CWC27: variants seen among roughly 807,000 people sequenced by gnomAD.
CWC27 encodes the protein spliceosome-associated protein CWC27 homolog.
Under a neutral mutation model 63.6 loss-of-function variants are expected in CWC27, and 47 were observed. That is an observed-to-expected ratio of 0.74 (90% CI 0.58 to 0.94). CWC27 has a LOEUF of 0.94. Among genes scored for constraint, CWC27 ranks in the 40% least tolerant of loss-of-function variants. The pLI is 0.00. For synonymous variants in CWC27, 175 were observed against 179.8 expected (o/e 0.97, Z 0.22); for missense variants, 495 against 554.3 (o/e 0.89, Z 1.07).
chr5:64,994,730 T>C (rs1580770700), intron 13 of CWC27, among the ~76,000 whole-genome samples: 1 of 152,218 alleles, frequency 6.6e-6, no homozygotes, highest in African/African-American at 2.4e-5. Context: ...GGTTGCACTG[T>C]ATGAAGTTGA....
chr5:64,908,002 T>C (rs935768249), intron 11 of CWC27, among the ~76,000 whole-genome samples: 2 of 152,218 alleles, frequency 1.3e-5, no homozygotes, highest in African/African-American at 4.8e-5. Flanking sequence ...AGATCTTTCC[T>C]GCTTTCTCTT....
chr5:64,981,649 C>G (rs181085484), intron 13 of CWC27, among the ~76,000 whole-genome samples: 3 of 152,154 alleles, frequency 2.0e-5, no homozygotes, highest in African/African-American at 7.2e-5. Context: ...AATTTGTACT[C>G]CAAAGTAAAT....
At chr5:64,882,419 C>T (rs936462767) in intron 10 of CWC27, among the ~76,000 whole-genome samples, 1 of 152,110 alleles carries the variant, frequency 6.6e-6, no homozygotes, top group African/African-American at 2.4e-5. Context: ...TGAAATGAGG[C>T]TAGTCTCAAT....
chr5:64,975,128 G>T (rs1749204735), intron 12 of CWC27, among the ~76,000 whole-genome samples: 1 of 152,084 alleles, frequency 6.6e-6, no homozygotes, highest in East Asian at 1.9e-4. Context: ...TTGAATATGT[G>T]GGCATTAAAT....
At chr5:64,834,494 A>G (rs1266796663) in intron 10 of CWC27, among the ~76,000 whole-genome samples, 2 of 151,754 alleles carry the variant, frequency 1.3e-5, no homozygotes, top group Non-Finnish European at 3.0e-5. Flanking sequence ...TTGGAGTCCT[A>G]TGAAACACCT....
intron 13 of CWC27, among the ~76,000 whole-genome samples, chr5:64,987,316 ATCATT>A (rs1237367037): frequency 2.6e-5 from 4 of 152,188 alleles, no homozygotes; most frequent in African/African-American, 9.6e-5. Flanking sequence ...TTAATATTTT[ATCATT>A]TCAAGACGAA....
intron 10 of CWC27, among the ~76,000 whole-genome samples, chr5:64,825,833 C>T (rs986322645): frequency 6.6e-6 from 1 of 152,156 alleles, no homozygotes; most frequent in Non-Finnish European, 1.5e-5. Context: ...TGATTAACGT[C>T]TACAATCAGT....
At chr5:64,856,011 T>A (rs1746249897) in intron 10 of CWC27, among the ~76,000 whole-genome samples, 1 of 152,088 alleles carries the variant, frequency 6.6e-6, no homozygotes, top group Admixed American at 6.5e-5. Context: ...GGGAGTGTTA[T>A]TAGCATCACC....
intron 11 of CWC27, among the ~76,000 whole-genome samples, chr5:64,971,499 C>A (rs1173835430): frequency 6.6e-6 from 1 of 152,108 alleles, no homozygotes; most frequent in Non-Finnish European, 1.5e-5. Context: ...ATATGTATAT[C>A]AACTCATAAA....
rs1472507702 is a variant in CWC27, at chr5:64,804,160, T to C, written c.781-69T>C. 4 of 1,365,892 alleles carry C rather than the reference T, an allele frequency of 2.9e-6. No homozygotes were observed. In the Admixed American group the frequency reaches 6.8e-5, roughly 23 times the overall value. The allele number at this position is 1,365,892 out of a possible 1,614,324, so 84.6% of individuals were successfully genotyped here. ...GAATGCAATAAGGAGATTCAGTGGA[T>C]GCAATAGATCTCTAGAAATGAAAGG... On this transcript the variant is annotated intron_variant, in intron 9 of 13. Coordinates refer to ENST00000381070, the MANE Select transcript of CWC27 (RefSeq NM_005869.4).
chr5:64,811,116 C>T (rs1037046765), intron 10 of CWC27, among the ~76,000 whole-genome samples: 3 of 151,976 alleles, frequency 2.0e-5, no homozygotes, highest in South Asian at 2.1e-4. Flanking sequence ...TAAAAACACT[C>T]CATGTAAGTC....
At chr5:64,862,860 C>T (rs1746444809) in intron 10 of CWC27, among the ~76,000 whole-genome samples, 1 of 152,056 alleles carries the variant, frequency 6.6e-6, no homozygotes, top group Admixed American at 6.5e-5. Context: ...CTCGTGAGGG[C>T]CTATTTCCTG....
intron 1 of CWC27, among the ~76,000 whole-genome samples, chr5:64,771,761 C>T (rs1743263137): frequency 1.3e-5 from 2 of 152,072 alleles, no homozygotes; most frequent in South Asian, 4.2e-4. Context: ...GCCAAGGAGG[C>T]CTACAAAGTA....
intron 11 of CWC27, among the ~76,000 whole-genome samples, chr5:64,956,002 T>A (rs796883297): frequency 3.9e-5 from 6 of 152,242 alleles, no homozygotes; most frequent in African/African-American, 1.4e-4. Context: ...ATAAGAGGTG[T>A]GTGGGCATCA....
At chr5:64,777,399 A>G (rs1743495312) in intron 2 of CWC27, among the ~76,000 whole-genome samples, 1 of 152,148 alleles carries the variant, frequency 6.6e-6, no homozygotes, top group African/African-American at 2.4e-5. Context: ...TGAGTGTTAG[A>G]TAAAAAGTTA....
intron 11 of CWC27, among the ~76,000 whole-genome samples, chr5:64,905,967 T>TG (rs1747628220): frequency 6.6e-6 from 1 of 152,062 alleles, no homozygotes; most frequent in Admixed American, 6.5e-5. Flanking sequence ...CTAAGAATGA[T>TG]GGTTTCCAGC....
At chr5:64,834,112 C>A (rs1580655861) in intron 10 of CWC27, among the ~76,000 whole-genome samples, 1 of 148,522 alleles carries the variant, frequency 6.7e-6, no homozygotes, top group African/African-American at 2.5e-5. Flanking sequence ...TTAAAGAAAT[C>A]ACATTATATC....
At chr5:64,874,937 G>A (rs2112329819) in intron 10 of CWC27, among the ~76,000 whole-genome samples, 1 of 152,028 alleles carries the variant, frequency 6.6e-6, no homozygotes, top group Middle Eastern at 3.4e-3. Context: ...GTTGGATTGT[G>A]AAATAGACAT....
chr5:64,997,130 T>G (rs1177024375), intron 13 of CWC27, among the ~76,000 whole-genome samples: 1 of 152,168 alleles, frequency 6.6e-6, no homozygotes, highest in Non-Finnish European at 1.5e-5. Context: ...TTTGTTTAAC[T>G]TGAACAAGAA....
Sources: gnomAD v4.1 joint callset for allele counts (sites outside exome capture counted in the v4.1 genomes callset) on GRCh38, gnomAD v4.1.1 for gene constraint, MANE v1.5 for transcripts, NCBI Gene and HGNC (gene_info 2026-07-23, HGNC 2026-07-21) for gene names.